Variants in LIG4 observed in about 807,000 individuals in gnomAD.
LIG4 encodes the protein DNA joinase.
LIG4 carries 13 observed loss-of-function variants against 19.0 expected under a neutral mutation model. That is an observed-to-expected ratio of 0.68 (90% CI 0.44 to 1.09). LIG4 has a LOEUF of 1.09. LIG4 is among the 50% of genes least tolerant of loss of function. LIG4 has a pLI of 0.00. For missense variants in LIG4, 1,026 were observed against 1,089.7 expected (o/e 0.94, Z 0.82); for synonymous variants, 361 against 358.2 (o/e 1.01, Z -0.09).
rs779194287 is a variant in LIG4 at position 108,209,804 on chromosome 13, C to T, written c.1465G>A (p.Glu489Lys). The change falls in exon 3 of 3, where the codon GAG (glutamate) becomes AAG (lysine). Residue 489 changes from glutamate to lysine, a missense_variant. Physicochemically the swap from Glu to Lys is moderately conservative, Grantham distance 56. Around this residue, in one of 3 missense-constraint regions of LIG4, gnomAD observed 521 missense variants for 515.5 expected, o/e 1.01. Transcript: ENST00000442234. ...GGCTTCTCACCAGGAGGGGGCTTCTCTGCTACTGCACACAGAAAATGAGAC... is the reference window on the plus strand; with the variant it reads ...GGCTTCTCACCAGGAGGGGGCTTCTTTGCTACTGCACACAGAAAATGAGAC... ...MMSHFLCAVA[E>K]KPPPGEKPSV... 2 of 1,614,144 alleles carry T rather than the reference C, an allele frequency of 1.2e-6. No individual in the cohort carries two copies. The highest frequency in any genetic ancestry group is 1.7e-6 in the Non-Finnish European group (2 of 1,180,018).
At position 108,209,596 on chromosome 13, in the gene LIG4, T is replaced by G. The variant is rs751409106; in HGVS notation, c.1673A>C (p.Gln558Pro). The G allele has an allele frequency of 1.2e-6, 2 of 1,614,172 alleles. No homozygotes were observed. Among genetic ancestry groups the G allele is most frequent in the Non-Finnish European group, 1.7e-6 (2 of 1,180,014 alleles). The change falls in exon 3 of 3, where the codon CAG (glutamine) becomes CCG (proline). Residue 558 changes from glutamine (Q) to proline (P), a missense_variant. By Grantham distance (76) the Gln-to-Pro change is moderately conservative. Around this residue, in one of 3 missense-constraint regions of LIG4, gnomAD observed 521 missense variants for 515.5 expected, o/e 1.01. Coordinates refer to ENST00000442234, the MANE Select transcript of LIG4 (RefSeq NM_206937.2). ...YIEPCNSVIVQIKAAEIVPSD... is the reference protein window; with the variant it reads ...YIEPCNSVIVPIKAAEIVPSD... ...GGGTACGATCTCTGCTGCTTTAATC[T>G]GAACAATGACAGAATTACAAGGTTC...
chr13:108,213,461 T>C (rs963164171), intron 2 of LIG4, among the ~76,000 whole-genome samples: 1 of 152,252 alleles, frequency 6.6e-6, no homozygotes. Context: ...AAAATGTAGG[T>C]AATGGTGTGG....
rs748301113 is a variant in LIG4, at chr13:108,209,539, C to T, written c.1730G>A (p.Arg577His). The T allele has an allele frequency of 4.1e-5, 66 of 1,613,992 alleles. No homozygotes were observed. The highest frequency in any genetic ancestry group is 1.6e-4 in the Middle Eastern group (1 of 6,084). Residue 577 changes from arginine (R) to histidine (H), a missense_variant, in exon 3 of 3, where the codon CGT becomes CAT. Arg to His is a conservative substitution (Grantham distance 29). Coordinates refer to ENST00000442234, the MANE Select transcript of LIG4 (RefSeq NM_206937.2). ...TCTTATCTTTTCAATTCGTGGAAAA[C>T]GCAAGGTGCAGCCAGTTTTATACAT... ...SDMYKTGCTL[R>H]FPRIEKIRDD...
In LIG4 at chr13:108,208,427, T is replaced by C. The variant is rs940934198; in HGVS notation, c.*106A>G. The C allele has an allele frequency of 2.5e-5, 19 of 748,250 alleles. No individual in the cohort carries two copies. The highest frequency in any genetic ancestry group is 5.0e-5 in the South Asian group (3 of 59,478). The allele number at this position is 748,250 out of a possible 1,614,324, so 46.4% of individuals were successfully genotyped here. On this transcript the variant is annotated 3_prime_UTR_variant, in exon 3 of 3. Coordinates refer to ENST00000442234, the MANE Select transcript of LIG4 (RefSeq NM_206937.2). ...TATATGTAATGATACTTTTTAGGCA[T>C]AGATTTTTAAGATACAAAAATAAAA... is the stretch of plus-strand genomic sequence containing the variant.
At chr13:108,214,728 G>C (rs551039370) in intron 1 of LIG4, 118 bp from the exon 2 acceptor site, 1 of 152,318 alleles carries the variant, frequency 6.6e-6, no homozygotes, top group South Asian at 2.1e-4. Flanking sequence ...TCTAGATGAA[G>C]AGCACAGCAT....
chr13:108,213,082 T>C (rs1878832756), intron 2 of LIG4, among the ~76,000 whole-genome samples: 1 of 152,172 alleles, frequency 6.6e-6, no homozygotes, highest in Admixed American at 6.5e-5. Flanking sequence ...AAACCCAGCT[T>C]CTACTGAGTG....
At chr13:108,217,343 C>T (rs1879357096), upstream of LIG4, among the ~76,000 whole-genome samples, 1 of 152,190 alleles carries the variant, frequency 6.6e-6, no homozygotes, top group Admixed American at 6.5e-5. Context: ...TGGTGAAATC[C>T]CGTCTCTACT....
chr13:108,209,461 C>G lies in LIG4; in HGVS notation c.1808G>C (p.Arg603Thr), dbSNP rs35874133. The change falls in exon 3 of 3, where the codon AGG becomes ACG. Residue 603 changes from arginine to threonine, a missense_variant. Physicochemically the swap from Arg to Thr is moderately conservative, Grantham distance 71 (BLOSUM62 -1). Around this residue, in one of 3 missense-constraint regions of LIG4, gnomAD observed 521 missense variants for 515.5 expected, o/e 1.01. Transcript: ENST00000442234. ...TGCGAGCTTACCAGATGCCTTCCCC[C>G]TAAGTTGTTCTAGGTCGTCCAGGGT... ...CMTLDDLEQL[R>T]GKASGKLASK... The G allele has an allele frequency of 1.2e-6, 2 of 1,614,038 alleles. No homozygotes were observed. The highest frequency in any genetic ancestry group is 1.7e-6 in the Non-Finnish European group (2 of 1,180,034).
intron 2 of LIG4, among the ~76,000 whole-genome samples, chr13:108,212,803 G>A (rs1044716231): frequency 1.3e-5 from 2 of 151,968 alleles, no homozygotes; most frequent in African/African-American, 2.4e-5. Flanking sequence ...GAATTGTGCT[G>A]TAATTTGTGC....
rs376627438 is a variant in LIG4 at position 108,209,766 on chromosome 13, A to G, written c.1503T>C (p.His501=). ...PPPGEKPSVF[H]TLSRVGSGCT... ...AGCCAGACCCAACACGAGAGAGAGTATGAAACACAGATGGCTTCTCACCAG... is the reference window on the plus strand; with the variant it reads ...AGCCAGACCCAACACGAGAGAGAGTGTGAAACACAGATGGCTTCTCACCAG... Residue 501 remains histidine, a synonymous_variant, in exon 3 of 3, where the codon CAT becomes CAC. Coordinates refer to ENST00000442234, the MANE Select transcript of LIG4 (RefSeq NM_206937.2). 20 of 1,614,162 alleles carry G rather than the reference A, an allele frequency of 1.2e-5. No homozygotes were observed. The South Asian group carries it at 2.1e-4, about 17-fold the overall frequency.
chr13:108,215,644 G>T (rs1278295030), upstream of LIG4: 2 of 151,226 alleles, frequency 1.3e-5, no homozygotes, highest in East Asian at 4.0e-4. Context: ...GGAGGTGGGG[G>T]GGCCGGCAGC....
Position 108,210,705 on chromosome 13 carries a change from C to T in LIG4, c.564G>A (p.Arg188=). Residue 188 remains arginine, a synonymous_variant, in exon 3 of 3, where the codon CGG becomes CGA. Transcript: ENST00000442234. ...CAAGCTTTAAATCCTTTATGATCAT[C>T]CGTATAAGCCACTTTTGCTCAAGTG... The part of the protein sequence containing the change: ...SSALEQKWLI[R]MIIKDLKLGV... 1 of 1,613,886 alleles carries T rather than the reference C, an allele frequency of 6.2e-7. No homozygotes were observed. Among genetic ancestry groups the T allele is most frequent in the East Asian group, 2.2e-5 (1 of 44,872 alleles).
chr13:108,217,290 T>C (rs66481427), upstream of LIG4, among the ~76,000 whole-genome samples: 14,631 of 151,728 alleles, frequency 0.096, 918 homozygotes, highest in African/African-American at 0.18. Flanking sequence ...CCGAGGTGGG[T>C]GGATCACCAG....
intron 2 of LIG4, among the ~76,000 whole-genome samples, chr13:108,212,583 A>G (rs1297859900): frequency 1.3e-5 from 2 of 152,060 alleles, no homozygotes; most frequent in African/African-American, 2.4e-5. Flanking sequence ...GCACACCACC[A>G]TGTATCCCAG....
Position 108,208,235 on chromosome 13 carries a change from T to C in LIG4, c.*298A>G. On this transcript the variant is annotated 3_prime_UTR_variant, in exon 3 of 3. Coordinates refer to ENST00000442234, the MANE Select transcript of LIG4 (RefSeq NM_206937.2). ...TAAATGTATTTTATTAGTATCTAAG[T>C]AAAAATTCTAGATTTCTATATGGAT... 4.3e-6 allele frequency: 1 copy of C among 233,320 alleles called. No homozygotes were observed. The highest frequency in any genetic ancestry group is 8.4e-6 in the Non-Finnish European group (1 of 119,752). 14.5% of individuals were successfully genotyped at this position (233,320 alleles called of 1,614,324 possible). A position where few individuals can be genotyped will look rare whatever the true frequency, so the allele number is the denominator to read the frequency against.
In LIG4 at chr13:108,211,001, C is replaced by G; in HGVS notation, c.268G>C (p.Ala90Pro). The G allele has an allele frequency of 6.2e-7, 1 of 1,605,956 alleles. No individual in the cohort carries two copies. Among genetic ancestry groups the G allele is most frequent in the African/African-American group, 1.3e-5 (1 of 74,328 alleles). Reference protein sequence around the residue: ...MAYGIKETMLAKLYIELLNLP... With the variant: ...MAYGIKETMLPKLYIELLNLP... ...TTAAGCAACTCAATATAAAGCTTAG[C>G]AAGCATAGTTTCTTTAATTCCATAG... Residue 90 changes from alanine to proline, a missense_variant, in exon 3 of 3, where the codon GCT becomes CCT. Ala to Pro is a conservative substitution (Grantham distance 27). Around this residue, in one of 3 missense-constraint regions of LIG4, gnomAD observed 493 missense variants for 544.5 expected, o/e 0.91. Transcript: ENST00000442234.
chr13:108,211,759 C>A (rs970536868), intron 2 of LIG4, among the ~76,000 whole-genome samples: 1 of 152,128 alleles, frequency 6.6e-6, no homozygotes, highest in Non-Finnish European at 1.5e-5. Flanking sequence ...ACTTGATCTT[C>A]GAACAGATAT....
At chr13:108,216,462 C>T (rs1013118821), upstream of LIG4, among the ~76,000 whole-genome samples, 2 of 152,224 alleles carry the variant, frequency 1.3e-5, no homozygotes, top group Non-Finnish European at 2.9e-5. Context: ...ATAAAAACCT[C>T]CTTTTTCAAA....
intron 2 of LIG4, among the ~76,000 whole-genome samples, chr13:108,213,820 T>C (rs1465968210): frequency 6.6e-6 from 1 of 152,222 alleles, no homozygotes; most frequent in Non-Finnish European, 1.5e-5. Flanking sequence ...AAAAACTATG[T>C]AGAAATTAGA....
Sources: allele counts gnomAD v4.1 joint callset (sites outside exome capture counted in the v4.1 genomes callset), GRCh38; gene constraint gnomAD v4.1.1; regional missense constraint gnomAD v4.1.1; transcripts MANE v1.5; gene names NCBI Gene and HGNC (gene_info 2026-07-23, HGNC 2026-07-21).